POLR3B: variants seen among roughly 807,000 people sequenced by gnomAD.
The protein encoded by POLR3B is RNA polymerase III subunit B.
In POLR3B, 96 loss-of-function variants were observed where a neutral mutation model predicts 147.4. The ratio of observed to expected loss-of-function variants is 0.65; its 90% CI spans 0.55 to 0.77. POLR3B has a LOEUF of 0.77. Ranked by LOEUF, POLR3B falls within the 30% of genes least tolerant of loss-of-function variation. The pLI is 0.00. For missense variants in POLR3B, 1,036 were observed against 1,413.5 expected (o/e 0.73, Z 4.28); for synonymous variants, 461 against 485.9 (o/e 0.95, Z 0.67).
chr12:106,509,412 C>G lies in POLR3B; in HGVS notation c.3273-8C>G, dbSNP rs369576112. The G allele has an allele frequency of 6.2e-7, 1 of 1,613,256 alleles. No homozygotes were observed. The highest frequency in any genetic ancestry group is 1.3e-5 in the African/African-American group (1 of 74,892). ...TGTCTGTCTAACGCTTGCTGACTTG[C>G]GTTTCAGGTGCCATTACTGCAAGTC... is the stretch of plus-strand genomic sequence containing the variant. On this transcript the variant is annotated splice_polypyrimidine_tract_variant and splice_region_variant and intron_variant, in intron 27 of 27. Coordinates refer to ENST00000228347, the MANE Select transcript of POLR3B (RefSeq NM_018082.6).
chr12:106,408,492 C>T, intron 11 of POLR3B, among the ~76,000 whole-genome samples: 1 of 152,326 alleles, frequency 6.6e-6, no homozygotes, highest in East Asian at 1.9e-4. Context: ...TCCCGGTAAT[C>T]TGTGTCTTAA....
intron 15 of POLR3B, 39 bp from the exon 16 acceptor site, chr12:106,433,680 T>A: frequency 6.3e-7 from 1 of 1,576,596 alleles, no homozygotes; most frequent in Non-Finnish European, 8.7e-7. Context: ...TTGCATTTAT[T>A]TTTTATTTCT....
At chr12:106,426,615 G>A (rs1232684435) in intron 12 of POLR3B, among the ~76,000 whole-genome samples, 3 of 151,934 alleles carry the variant, frequency 2.0e-5, no homozygotes, top group Non-Finnish European at 2.9e-5. Flanking sequence ...ACGCCCGGGT[G>A]CAATTTGTGT....
At chr12:106,399,283 A>G (rs2037027125) in intron 10 of POLR3B, among the ~76,000 whole-genome samples, 1 of 152,228 alleles carries the variant, frequency 6.6e-6, no homozygotes, top group African/African-American at 2.4e-5. Context: ...GAGAAAAAAG[A>G]ATGAAAAGAA....
At chr12:106,508,884 G>A (rs1176034598) in intron 27 of POLR3B, among the ~76,000 whole-genome samples, 1 of 152,196 alleles carries the variant, frequency 6.6e-6, no homozygotes. Context: ...GAATACCACT[G>A]TCCTATTCAA....
intron 4 of POLR3B, among the ~76,000 whole-genome samples, chr12:106,367,471 G>A (rs780488069): frequency 1.6e-4 from 25 of 152,282 alleles, no homozygotes; most frequent in African/African-American, 5.3e-4. Context: ...CCAGAGCTCC[G>A]TGTTATGTTT....
intron 13 of POLR3B, among the ~76,000 whole-genome samples, chr12:106,429,440 G>A (rs999472078): frequency 7.9e-5 from 12 of 152,086 alleles, no homozygotes; most frequent in Non-Finnish European, 1.5e-4. Context: ...CACCCGGCCT[G>A]CTTTGCTTTT....
chr12:106,396,836 T>TA (rs1279978521), intron 10 of POLR3B, among the ~76,000 whole-genome samples: 1 of 152,148 alleles, frequency 6.6e-6, no homozygotes, highest in Non-Finnish European at 1.5e-5. Context: ...TCACACCTGT[T>TA]ATACTGCCAC....
At chr12:106,471,056 A>G (rs2038083999) in intron 23 of POLR3B, among the ~76,000 whole-genome samples, 2 of 152,250 alleles carry the variant, frequency 1.3e-5, no homozygotes, top group South Asian at 4.1e-4. Flanking sequence ...CAGAGGTAGA[A>G]TCTAGAAAGG....
chr12:106,469,670 G>C (rs188929926), intron 23 of POLR3B, among the ~76,000 whole-genome samples: 2,588 of 152,264 alleles, frequency 0.017, 43 homozygotes, highest in South Asian at 0.068. Context: ...CTCAGCATTT[G>C]TTTGTCTGTA....
intron 9 of POLR3B, among the ~76,000 whole-genome samples, chr12:106,385,625 C>T (rs538387747): frequency 6.6e-6 from 1 of 152,248 alleles, no homozygotes; most frequent in African/African-American, 2.4e-5. Context: ...GTATAGGAGT[C>T]AGGGAGGAAA....
intron 25 of POLR3B, among the ~76,000 whole-genome samples, chr12:106,497,809 T>G (rs186184313): frequency 4.5e-4 from 68 of 152,334 alleles, no homozygotes; most frequent in African/African-American, 1.6e-3. Context: ...AGGTAACTTC[T>G]CAGTAGGGCC....
At chr12:106,407,468 G>A (rs2136933658) in intron 11 of POLR3B, among the ~76,000 whole-genome samples, 1 of 152,326 alleles carries the variant, frequency 6.6e-6, no homozygotes. Context: ...TAACTGAGAA[G>A]AATGTTGGGT....
chr12:106,362,973 T>A (rs117488959), intron 1 of POLR3B, among the ~76,000 whole-genome samples: 365 of 152,294 alleles, frequency 2.4e-3, no homozygotes, highest in Non-Finnish European at 4.1e-3. Context: ...ATTTCCGTCA[T>A]CATAGATTAG....
intron 12 of POLR3B, among the ~76,000 whole-genome samples, chr12:106,426,848 C>T (rs1004170082): frequency 4.0e-5 from 4 of 100,324 alleles, no homozygotes; most frequent in South Asian, 8.2e-4. Flanking sequence ...GTCCCCCCCC[C>T]CCCCCCCCGT....
At chr12:106,421,034 A>G (rs911634616) in intron 12 of POLR3B, among the ~76,000 whole-genome samples, 1 of 152,202 alleles carries the variant, frequency 6.6e-6, no homozygotes, top group Non-Finnish European at 1.5e-5. Flanking sequence ...TTATAGAAAT[A>G]GATCCATATA....
intron 21 of POLR3B, among the ~76,000 whole-genome samples, chr12:106,458,641 G>A (rs948746104): frequency 6.6e-6 from 1 of 152,068 alleles, no homozygotes; most frequent in African/African-American, 2.4e-5. Context: ...ATCAAGCTGT[G>A]GTTCCAAAGA....
chr12:106,455,154 T>G (rs754010786), intron 20 of POLR3B, among the ~76,000 whole-genome samples: 66 of 152,330 alleles, frequency 4.3e-4, no homozygotes, highest in Non-Finnish European at 6.6e-4. Flanking sequence ...GGTAACTTCT[T>G]TGGCCAAGTG....
chr12:106,458,054 G>A lies in POLR3B; in HGVS notation c.2452+758G>A, dbSNP rs183957583. ...AAGCATGGTGCACATGAGTTGGTGG[G>A]TGACGCAAGGGGTAGGGGCCAGAGT... On this transcript the variant is annotated intron_variant, in intron 21 of 27. Transcript: ENST00000228347. 2.1e-3 allele frequency among the ~76,000 whole-genome samples: 319 copies of A among 152,278 alleles called. 1 individual carries two copies. Among genetic ancestry groups the A allele is most frequent in the Non-Finnish European group, 2.0e-3 (137 of 68,012 alleles).
Sources: allele counts gnomAD v4.1 joint callset (sites outside exome capture counted in the v4.1 genomes callset), GRCh38; gene constraint gnomAD v4.1.1; transcripts MANE v1.5; gene names NCBI Gene and HGNC (gene_info 2026-07-23, HGNC 2026-07-21).